Variants in ARMH4 observed in about 807,000 individuals in gnomAD.
The protein encoded by ARMH4 is armadillo like helical domain containing 4.
A neutral mutation model predicts 61.9 loss-of-function variants in ARMH4; 49 were observed. That is an observed-to-expected ratio of 0.79 (90% CI 0.63 to 1.00). The LOEUF is 1.00. ARMH4 is among the 50% of genes least tolerant of loss of function. The pLI is 0.00. For missense variants in ARMH4, 934 were observed against 930.0 expected (o/e 1.00, Z -0.06); for synonymous variants, 368 against 341.5 (o/e 1.08, Z -0.85).
At chr14:58,096,070 C>T (rs1294397636) in intron 5 of ARMH4, among the ~76,000 whole-genome samples, 1 of 152,138 alleles carries the variant, frequency 6.6e-6, no homozygotes, top group Non-Finnish European at 1.5e-5. Context: ...GAGCGGCCTG[C>T]ATCCTCCAAG....
chr14:58,076,280 G>A (rs1885046980), intron 5 of ARMH4, among the ~76,000 whole-genome samples: 1 of 152,180 alleles, frequency 6.6e-6, no homozygotes, highest in African/African-American at 2.4e-5. Flanking sequence ...AAACACTGTG[G>A]GGATGAAGCC....
At chr14:58,085,637 T>A (rs749475753) in intron 5 of ARMH4, among the ~76,000 whole-genome samples, 39 of 152,186 alleles carry the variant, frequency 2.6e-4, no homozygotes, top group Non-Finnish European at 3.4e-4. Context: ...TTTCCAATTC[T>A]CTAATTCAAT....
intron 6 of ARMH4, among the ~76,000 whole-genome samples, chr14:58,006,280 A>C (rs528555721): frequency 6.6e-6 from 1 of 152,360 alleles, no homozygotes; most frequent in South Asian, 2.1e-4. Context: ...TGCAAAATAC[A>C]TAAACAATTT....
At chr14:58,105,798 G>T (rs1566582552) in intron 4 of ARMH4, among the ~76,000 whole-genome samples, 1 of 152,134 alleles carries the variant, frequency 6.6e-6, no homozygotes, top group Non-Finnish European at 1.5e-5. Flanking sequence ...AAGATGTAAA[G>T]TTATATTTGT....
At chr14:58,016,194 A>G (rs571391314) in intron 5 of ARMH4, among the ~76,000 whole-genome samples, 1 of 152,194 alleles carries the variant, frequency 6.6e-6, no homozygotes, top group Non-Finnish European at 1.5e-5. Context: ...TATAATAAAA[A>G]GGAGCATGTA....
chr14:58,102,817 CAAAAAAA>C (rs398025219), intron 4 of ARMH4, among the ~76,000 whole-genome samples: 5 of 50,958 alleles, frequency 9.8e-5, no homozygotes, highest in Non-Finnish European at 1.7e-4. Context: ...GACTCCGTCT[CAAAAAAA>C]AAAAAAAAAA....
intron 4 of ARMH4, among the ~76,000 whole-genome samples, chr14:58,126,391 A>C (rs1406163908): frequency 6.6e-6 from 1 of 152,236 alleles, no homozygotes; most frequent in African/African-American, 2.4e-5. Flanking sequence ...GAAACCCCAG[A>C]TAAGGAAAGA....
At position 58,096,728 on chromosome 14, in the gene ARMH4, GC is replaced by G. The variant is rs1197226473; in HGVS notation, c.2084del (p.Gly695AlafsTer3). Reference protein sequence around the residue: ...DALEWEQQNQGLVRSWMEKLK... With the variant: ...DALEWEQQNQXLVRSWMEKLK... ...GGAAATACACATGACTCTTACCCAG[GC>G]CTTGATTCTGCTGTTCCCACTCGAG... On this transcript the variant is annotated frameshift_variant, in exon 5 of 8. Transcript: ENST00000267485. LOFTEE classifies it high-confidence loss of function. 3.7e-6 allele frequency: 6 copies of G among 1,613,802 alleles called. No individual in the cohort carries two copies.
At chr14:58,141,288 CT>C in intron 1 of ARMH4, 1 of 378,166 alleles carries the variant, frequency 2.6e-6, no homozygotes. Context: ...AGATGCAGAT[CT>C]TTGTGAAGAC....
In ARMH4 at chr14:58,034,121, A is replaced by C. The variant is rs1883373491; in HGVS notation, c.2090-21971T>G. ...AATTGTCAGATTCACCAAAGTTGAAATGAAGGAAAAAATGTTAAGGGCAGC... is the reference window on the plus strand; with the variant it reads ...AATTGTCAGATTCACCAAAGTTGAACTGAAGGAAAAAATGTTAAGGGCAGC... On this transcript the variant is annotated intron_variant, in intron 5 of 7. Transcript: ENST00000267485. Among the ~76,000 whole-genome samples the C allele has an allele frequency of 3.8e-5, 5 of 132,180 alleles. No individual in the cohort carries two copies. The South Asian group carries it at 1.2e-3, about 32-fold the overall frequency. The allele number at this position is 132,180 out of a possible 152,430, so 86.7% of individuals were successfully genotyped here. A position where few individuals can be genotyped will look rare whatever the true frequency, so the allele number is the denominator to read the frequency against.
chr14:58,025,020 A>G (rs1178702183), intron 5 of ARMH4, among the ~76,000 whole-genome samples: 2 of 152,186 alleles, frequency 1.3e-5, no homozygotes, highest in African/African-American at 4.8e-5. Context: ...GAGAATTACC[A>G]AAATGTGACA....
At chr14:58,015,863 T>G (rs966468444) in intron 5 of ARMH4, among the ~76,000 whole-genome samples, 10 of 145,468 alleles carry the variant, frequency 6.9e-5, no homozygotes, top group Non-Finnish European at 1.0e-4. Flanking sequence ...CTAGGTAACA[T>G]AGCGAGACTC....
At chr14:58,081,733 C>T (rs970908284) in intron 5 of ARMH4, among the ~76,000 whole-genome samples, 2 of 151,654 alleles carry the variant, frequency 1.3e-5, no homozygotes, top group African/African-American at 4.9e-5. Context: ...GTCTCAATCT[C>T]CTGACCTCAT....
Position 58,138,931 on chromosome 14 carries a change from G to A in ARMH4, c.428C>T (p.Ala143Val). Residue 143 changes from alanine to valine, a missense_variant, in exon 2 of 8, where the codon GCC (alanine) becomes GTC (valine). Coordinates refer to ENST00000267485, the MANE Select transcript of ARMH4 (RefSeq NM_001001872.4). ...CGCAGTGATAGCAATGGTTAACATG[G>A]CCTTGGCAAGTCCACTTTCAGGAGA... is the stretch of plus-strand genomic sequence containing the variant. ...RISPESGLAK[A>V]MLTIAITATP... 1 of 1,614,196 alleles carries A rather than the reference G, an allele frequency of 6.2e-7. No homozygotes were observed. The highest frequency in any genetic ancestry group is 8.5e-7 in the Non-Finnish European group (1 of 1,180,042).
chr14:58,129,039 G>A lies in ARMH4; in HGVS notation c.1831+2473C>T, dbSNP rs796322635. The stretch of plus-strand genomic sequence containing the variant: ...GTTCCTCCCCTAGAGGCTTTGGAGA[G>A]AGCAAGCCCTGCCTATACCTTGACT... On this transcript the variant is annotated intron_variant, in intron 4 of 7. Transcript: ENST00000267485. Among the ~76,000 whole-genome samples, 32 of 152,294 alleles carry A rather than the reference G, an allele frequency of 2.1e-4. 1 individual carries two copies. The highest frequency in any genetic ancestry group is 7.5e-4 in the African/African-American group (31 of 41,564).
intron 4 of ARMH4, among the ~76,000 whole-genome samples, chr14:58,126,955 A>T (rs1886916364): frequency 6.6e-6 from 1 of 151,870 alleles, no homozygotes; most frequent in Non-Finnish European, 1.5e-5. Context: ...GGTGTGTGCT[A>T]CCATGCCTGG....
At chr14:58,140,146 G>A (rs1566601455) in intron 1 of ARMH4, among the ~76,000 whole-genome samples, 1 of 151,336 alleles carries the variant, frequency 6.6e-6, no homozygotes, top group Non-Finnish European at 1.5e-5. Flanking sequence ...GTGGGCGTAG[G>A]CACCTGTAAT....
rs140979122 is a variant in ARMH4 at position 58,058,861 on chromosome 14, T to A, written c.2089+37863A>T. ...GGATACAGACGGCCCACTGGACTAA[T>A]AATTGCCCCAGAATGAAAAGGTAGG... On this transcript the variant is annotated intron_variant, in intron 5 of 7. Transcript: ENST00000267485. Among the ~76,000 whole-genome samples, 101 of 152,334 alleles carry A rather than the reference T, an allele frequency of 6.6e-4. 1 individual carries two copies. The highest frequency in any genetic ancestry group is 2.3e-3 in the African/African-American group (97 of 41,582).
chr14:58,043,762 G>C (rs961455504), intron 5 of ARMH4, among the ~76,000 whole-genome samples: 14 of 152,154 alleles, frequency 9.2e-5, no homozygotes, highest in African/African-American at 3.4e-4. Flanking sequence ...CAAAGTGTTA[G>C]GATACAAAAT....
Sources: allele counts gnomAD v4.1 joint callset (sites outside exome capture counted in the v4.1 genomes callset), GRCh38; gene constraint gnomAD v4.1.1; transcripts MANE v1.5; gene names NCBI Gene and HGNC (gene_info 2026-07-23, HGNC 2026-07-21).